ZBTB47: variants seen among roughly 807,000 people sequenced by gnomAD.
The protein encoded by ZBTB47 is zinc finger and BTB domain containing 47, also known as zinc finger and BTB domain-containing protein 47.
A neutral mutation model predicts 56.6 loss-of-function variants in ZBTB47; 24 were observed. The ratio of observed to expected loss-of-function variants is 0.42; its 90% CI spans 0.31 to 0.60. The LOEUF is 0.60. ZBTB47 is among the 20% of genes least tolerant of loss of function. ZBTB47 has a pLI of 0.14. For synonymous variants in ZBTB47, 414 were observed against 418.9 expected, an observed-to-expected ratio of 0.99 and a Z score of 0.14; for missense variants, 829 against 1,032.6, an observed-to-expected ratio of 0.80 and a Z score of 2.70.
In ZBTB47 at chr3:42,663,253, T is replaced by G. The variant is rs1456308706; in HGVS notation, c.1737+126T>G. 3 of 710,074 alleles carry G rather than the reference T, an allele frequency of 4.2e-6. No individual in the cohort carries two copies. Among genetic ancestry groups the G allele is most frequent in the Admixed American group, 2.2e-5 (1 of 44,930 alleles). 44.0% of individuals were successfully genotyped at this position (710,074 alleles called of 1,614,324 possible). On this transcript the variant is annotated intron_variant, in intron 4 of 5. Transcript: ENST00000232974. The surrounding 1 kb of genome is among the most constrained non-coding windows in gnomAD (Gnocchi z 5.1). Reference sequence around the variant, plus strand: ...TGTAGTGTCCAGAAAGAGAGAGCCCTGCCCTCTGAGGTCTGCAGCCCCTGC... The same window carrying G: ...TGTAGTGTCCAGAAAGAGAGAGCCCGGCCCTCTGAGGTCTGCAGCCCCTGC...
chr3:42,664,256 C>T lies in ZBTB47; in HGVS notation c.1902C>T (p.Cys634=), dbSNP rs1362945806. 4 of 1,613,612 alleles carry T rather than the reference C, an allele frequency of 2.5e-6. No individual in the cohort carries two copies. Among genetic ancestry groups the T allele is most frequent in the East Asian group, 2.2e-5 (1 of 44,870 alleles). ...CCCCAGGAGAGAAGCCGTACATCTG[C>T]GAGATCTGTGGCAAGAGCTTCACCA... is the stretch of plus-strand genomic sequence containing the variant. ...KTHTGEKPYI[C]EICGKSFTSR... is the part of the protein sequence containing the mutation. The change falls in exon 6 of 6, where the codon TGC becomes TGT. Residue 634 remains cysteine (C), a synonymous_variant. Coordinates refer to ENST00000232974, the MANE Select transcript of ZBTB47 (RefSeq NM_145166.4).
At chr3:42,662,789 A>C (rs147639412) in intron 3 of ZBTB47, among the ~76,000 whole-genome samples, 3 of 152,296 alleles carry the variant, frequency 2.0e-5, no homozygotes, top group African/African-American at 7.2e-5. Flanking sequence ...AGAACCACAG[A>C]GCCCCAGCAT....
chr3:42,659,472 C>A lies in ZBTB47; in HGVS notation c.1117C>A (p.Pro373Thr). The change falls in exon 2 of 6, where the codon CCC (proline) becomes ACC (threonine). Residue 373 changes from proline (P) to threonine (T), a missense_variant. Physicochemically the swap from Pro to Thr is conservative, Grantham distance 38. Around this residue, in one of 6 missense-constraint regions of ZBTB47, gnomAD observed 359 missense variants for 359.8 expected, o/e 1.00. Coordinates refer to ENST00000232974, the MANE Select transcript of ZBTB47 (RefSeq NM_145166.4). ...GSRSSRADPPPHSHMATRSRE... is the reference protein window; with the variant it reads ...GSRSSRADPPTHSHMATRSRE... ...CCGAAGCAGCCGGGCAGACCCCCCT[C>A]CCCACAGTCACATGGCCACACGGTC... 6.6e-7 allele frequency: 1 copy of A among 1,520,330 alleles called. No homozygotes were observed. The allele number at this position is 1,520,330 out of a possible 1,614,324, so 94.2% of individuals were successfully genotyped here. A position where few individuals can be genotyped will look rare whatever the true frequency, so the allele number is the denominator to read the frequency against.
At position 42,659,839 on chromosome 3, in the gene ZBTB47, C is replaced by T. The variant is rs370184596; in HGVS notation, c.1473+11C>T. The T allele has an allele frequency of 2.3e-5, 36 of 1,588,298 alleles. No individual in the cohort carries two copies. Among genetic ancestry groups the T allele is most frequent in the South Asian group, 8.1e-5 (7 of 86,616 alleles). On this transcript the variant is annotated intron_variant, in intron 2 of 5. Transcript: ENST00000232974. ...GAGCGCAACATCCAGGTGGGCCTCACGTGGCTGGGGGCAGGGCAGAGGCTG... is the reference window on the plus strand; with the variant it reads ...GAGCGCAACATCCAGGTGGGCCTCATGTGGCTGGGGGCAGGGCAGAGGCTG...
chr3:42,666,760 C>A lies in ZBTB47; in HGVS notation c.*2162C>A, dbSNP rs182975464. On this transcript the variant is annotated 3_prime_UTR_variant, in exon 6 of 6. Transcript: ENST00000232974. Reference sequence around the variant, plus strand: ...CACTGGTGGGGAGCTGGCAATGAAACCCTGTCCTGGGACATGGGTTTCATG... The same window carrying A: ...CACTGGTGGGGAGCTGGCAATGAAAACCTGTCCTGGGACATGGGTTTCATG... 1.9e-3 allele frequency among the ~76,000 whole-genome samples: 283 copies of A among 152,302 alleles called. 1 individual carries two copies. Among genetic ancestry groups the A allele is most frequent in the Middle Eastern group, 3.4e-3 (1 of 294 alleles).
At position 42,658,863 on chromosome 3, in the gene ZBTB47, G is replaced by A. The variant is rs1322545984; in HGVS notation, c.508G>A (p.Gly170Arg). The A allele has an allele frequency of 9.8e-6, 15 of 1,527,280 alleles. No homozygotes were observed. Among genetic ancestry groups the A allele is most frequent in the East Asian group, 2.5e-5 (1 of 40,798 alleles). The allele number at this position is 1,527,280 out of a possible 1,614,324, so 94.6% of individuals were successfully genotyped here. The stretch of plus-strand genomic sequence containing the variant: ...CCCTTACTCGGTGCGTGTTGAGGAC[G>A]GGGCAGGGACTGCTGGTGGCACAGT... The part of the protein sequence containing the change: ...PDPYSVRVED[G>R]AGTAGGTVPA... The change falls in exon 2 of 6, where the codon GGG (glycine) becomes AGG (arginine). Residue 170 changes from glycine (G) to arginine (R), a missense_variant. Around this residue, in one of 6 missense-constraint regions of ZBTB47, gnomAD observed 359 missense variants for 359.8 expected, o/e 1.00. Coordinates refer to ENST00000232974, the MANE Select transcript of ZBTB47 (RefSeq NM_145166.4).
intron 1 of ZBTB47, among the ~76,000 whole-genome samples, chr3:42,657,805 G>A (rs762813120): frequency 9.9e-5 from 15 of 152,120 alleles, no homozygotes; most frequent in Admixed American, 2.6e-4. Context: ...GAGAATCCAC[G>A]GGGCTGAGGA....
chr3:42,658,188 G>T, intron 1 of ZBTB47, 87 bp from the exon 2 acceptor site: 2 of 1,363,002 alleles, frequency 1.5e-6, no homozygotes, highest in East Asian at 5.1e-5. Context: ...CCTCCTGGAT[G>T]GCTGGCAATG....
intron 1 of ZBTB47, 38 bp from the exon 2 acceptor site, chr3:42,658,237 C>T: frequency 2.1e-6 from 3 of 1,438,330 alleles, no homozygotes; most frequent in Non-Finnish European, 2.7e-6. Flanking sequence ...CAGGGGCCCA[C>T]TGGCCTTGAC....
chr3:42,664,673 G>C lies in ZBTB47; in HGVS notation c.*75G>C. 2 of 1,356,054 alleles carry C rather than the reference G, an allele frequency of 1.5e-6. No homozygotes were observed. The highest frequency in any genetic ancestry group is 1.9e-6 in the Non-Finnish European group (2 of 1,059,538). 84.0% of individuals were successfully genotyped at this position (1,356,054 alleles called of 1,614,324 possible). On this transcript the variant is annotated 3_prime_UTR_variant, in exon 6 of 6. Coordinates refer to ENST00000232974, the MANE Select transcript of ZBTB47 (RefSeq NM_145166.4). ...TCCAGGAGGGACCCACTGCCTTCCC[G>C]GGGAGCACAGTAGTGCGGGCCTGGG...
At chr3:42,657,078 G>A (rs1710647770) in intron 1 of ZBTB47, among the ~76,000 whole-genome samples, 1 of 152,228 alleles carries the variant, frequency 6.6e-6, no homozygotes. Flanking sequence ...AACAACATCT[G>A]CACATCACTG....
chr3:42,663,950 GC>G lies in ZBTB47; in HGVS notation c.1882+13del. On this transcript the variant is annotated intron_variant, in intron 5 of 5. Coordinates refer to ENST00000232974, the MANE Select transcript of ZBTB47 (RefSeq NM_145166.4). The surrounding 1 kb of genome is among the most constrained non-coding windows in gnomAD (Gnocchi z 5.1). Reference sequence around the variant, plus strand: ...CATGAAGACCCACACAGGTGCGGCTGCCCCTGGGGACGGAGCTCGGTGCCGG... The same window carrying G: ...CATGAAGACCCACACAGGTGCGGCTGCCCTGGGGACGGAGCTCGGTGCCGG... 1.2e-6 allele frequency: 2 copies of G among 1,606,844 alleles called. No homozygotes were observed. Among genetic ancestry groups the G allele is most frequent in the African/African-American group, 1.3e-5 (1 of 74,898 alleles).
chr3:42,664,176 G>C (rs1329379694), intron 5 of ZBTB47, 61 bp from the exon 6 acceptor site: 29 of 1,590,676 alleles, frequency 1.8e-5, no homozygotes, highest in Non-Finnish European at 2.4e-5. Context: ...ACGGAGGCTG[G>C]CCCCAGACTG....
rs937352848 is a variant in ZBTB47 at position 42,654,601 on chromosome 3, C to T, written c.-82+718C>T. On this transcript the variant is annotated intron_variant, in intron 1 of 5. Coordinates refer to ENST00000232974, the MANE Select transcript of ZBTB47 (RefSeq NM_145166.4). The surrounding 1 kb of genome is among the most constrained non-coding windows in gnomAD (Gnocchi z 5.0). ...CGCGGGGCCCTGCGCGGGGGCGGCC[C>T]CCAGCGCGGCGCTTCATGGAGCGGC... The T allele has an allele frequency of 7.9e-6, 7 of 891,394 alleles. No homozygotes were observed. In the African/African-American group the frequency reaches 9.0e-5, roughly 12 times the overall value. 55.2% of individuals were successfully genotyped at this position (891,394 alleles called of 1,614,324 possible).
rs1007954038 is a variant in ZBTB47, at chr3:42,654,667, C to A, written c.-82+784C>A. 2.0e-6 allele frequency: 2 copies of A among 984,760 alleles called. No homozygotes were observed. The highest frequency in any genetic ancestry group is 2.4e-6 in the Non-Finnish European group (2 of 829,684). The allele number at this position is 984,760 out of a possible 1,614,324, so 61.0% of individuals were successfully genotyped here. A position where few individuals can be genotyped will look rare whatever the true frequency, so the allele number is the denominator to read the frequency against. On this transcript the variant is annotated intron_variant, in intron 1 of 5. Transcript: ENST00000232974. The surrounding 1 kb of genome is among the most constrained non-coding windows in gnomAD (Gnocchi z 5.0). ...GGGGGCAGCGCGATCCCGCGGGGCC[C>A]TGTGAGCCCCCAGCGCCACGGCACC...
In ZBTB47 at chr3:42,659,049, TC is replaced by T; in HGVS notation, c.697del (p.Gln233ArgfsTer6). 1 of 1,525,368 alleles carries T rather than the reference TC, an allele frequency of 6.6e-7. No individual in the cohort carries two copies. Among genetic ancestry groups the T allele is most frequent in the Non-Finnish European group, 8.8e-7 (1 of 1,141,336 alleles). 94.5% of individuals were successfully genotyped at this position (1,525,368 alleles called of 1,614,324 possible). A position where few individuals can be genotyped will look rare whatever the true frequency, so the allele number is the denominator to read the frequency against. ...TGGCACCTACAGCCGCAGGGAGCAA[TC>T]CCAGATCATCGTGGAGGTGAACCTC... ...GSGTYSRREQ[S>X]QIIVEVNLNN... On this transcript the variant is annotated frameshift_variant, in exon 2 of 6. Transcript: ENST00000232974. LOFTEE classifies it high-confidence loss of function.
Position 42,658,894 on chromosome 3 carries a change from C to T in ZBTB47, c.539C>T (p.Ala180Val). 1.3e-6 allele frequency: 2 copies of T among 1,509,716 alleles called. No individual in the cohort carries two copies. Among genetic ancestry groups the T allele is most frequent in the South Asian group, 2.5e-5 (2 of 79,658 alleles). The allele number at this position is 1,509,716 out of a possible 1,614,324, so 93.5% of individuals were successfully genotyped here. Reference protein sequence around the residue: ...GAGTAGGTVPATIGPAQPFFK... With the variant: ...GAGTAGGTVPVTIGPAQPFFK... ...GGGACTGCTGGTGGCACAGTGCCTG[C>T]CACCATTGGGCCAGCCCAGCCCTTC... Residue 180 changes from alanine to valine, a missense_variant, in exon 2 of 6, where the codon GCC (alanine) becomes GTC (valine). By Grantham distance (64) the Ala-to-Val change is moderately conservative (BLOSUM62 0). Around this residue, in one of 6 missense-constraint regions of ZBTB47, gnomAD observed 359 missense variants for 359.8 expected, o/e 1.00. Coordinates refer to ENST00000232974, the MANE Select transcript of ZBTB47 (RefSeq NM_145166.4).
chr3:42,660,889 C>T (rs1247132102), intron 2 of ZBTB47, among the ~76,000 whole-genome samples: 3 of 152,158 alleles, frequency 2.0e-5, no homozygotes, highest in Admixed American at 2.0e-4. Flanking sequence ...TGTGGGGTGT[C>T]CTGCATAGAT....
At position 42,659,330 on chromosome 3, in the gene ZBTB47, GGAAGAGGAA is replaced by G; in HGVS notation, c.978_986del (p.Glu333_Glu335del). 6.9e-7 allele frequency: 1 copy of G among 1,459,016 alleles called. No homozygotes were observed. Among genetic ancestry groups the G allele is most frequent in the Non-Finnish European group, 9.2e-7 (1 of 1,086,368 alleles). 90.4% of individuals were successfully genotyped at this position (1,459,016 alleles called of 1,614,324 possible). A position where few individuals can be genotyped will look rare whatever the true frequency, so the allele number is the denominator to read the frequency against. ...AGGAGGAGGACGGGCACAGTGAGCA[GGAAGAGGAA>G]GAGGAGGAGGAAGAGGAGGAAGGGC... On this transcript the variant is annotated inframe_deletion, in exon 2 of 6. Coordinates refer to ENST00000232974, the MANE Select transcript of ZBTB47 (RefSeq NM_145166.4).
Sources: allele counts gnomAD v4.1 joint callset (sites outside exome capture counted in the v4.1 genomes callset), GRCh38; gene constraint gnomAD v4.1.1; regional missense constraint gnomAD v4.1.1; non-coding constraint Gnocchi (gnomAD v3.1); transcripts MANE v1.5; gene names NCBI Gene and HGNC (gene_info 2026-07-23, HGNC 2026-07-21).